The following STK39 variants were observed in gnomAD, a reference collection of about 807,000 sequenced individuals.
The protein encoded by STK39 is serine/threonine kinase 39, also known as STE20/SPS1-related proline-alanine-rich protein kinase.
In STK39, 20 loss-of-function variants were observed where a neutral mutation model predicts 77.8. The observed-to-expected ratio is 0.26, with a 90% CI of 0.18 to 0.37. The LOEUF (loss-of-function observed/expected upper bound fraction) is 0.37. Ranked by LOEUF, STK39 falls within the 10% of genes least tolerant of loss-of-function variation. STK39 has a pLI of 1.00. For missense variants in STK39, 479 were observed against 656.5 expected, an observed-to-expected ratio of 0.73 and a Z score of 2.95; for synonymous variants, 246 against 234.1, an observed-to-expected ratio of 1.05 and a Z score of -0.47.
chr2:168,151,349 C>T (rs1012373068), intron 5 of STK39, among the ~76,000 whole-genome samples: 1 of 152,184 alleles, frequency 6.6e-6, no homozygotes, highest in East Asian at 1.9e-4. Flanking sequence ...CATATGTAGA[C>T]TCTTGACATT....
chr2:168,204,328 G>A (rs930325178), intron 1 of STK39, among the ~76,000 whole-genome samples: 10 of 152,196 alleles, frequency 6.6e-5, no homozygotes, highest in African/African-American at 2.4e-4. Flanking sequence ...GCCCACCAAG[G>A]TTATCCCACC....
intron 1 of STK39, among the ~76,000 whole-genome samples, chr2:168,185,764 C>A (rs756745326): frequency 3.0e-4 from 46 of 152,142 alleles, no homozygotes; most frequent in Non-Finnish European, 5.9e-4. Flanking sequence ...ACAATAACTT[C>A]CTCTTTGCAT....
chr2:168,015,945 T>G (rs1684391968), intron 15 of STK39, among the ~76,000 whole-genome samples: 1 of 152,182 alleles, frequency 6.6e-6, no homozygotes, highest in Non-Finnish European at 1.5e-5. Context: ...ATTTATTTAT[T>G]CAGACAAAGT....
chr2:168,180,786 G>T (rs550376777), intron 2 of STK39, among the ~76,000 whole-genome samples: 1 of 152,302 alleles, frequency 6.6e-6, no homozygotes, highest in African/African-American at 2.4e-5. Context: ...TAAAAGCCTT[G>T]AATGTATGCA....
At chr2:168,117,151 G>C (rs1197726976) in intron 10 of STK39, among the ~76,000 whole-genome samples, 6 of 152,118 alleles carry the variant, frequency 3.9e-5, no homozygotes, top group Admixed American at 1.3e-4. Context: ...CAAGTTAATG[G>C]CTCACTCAAG....
rs771748371 is a variant in STK39 at position 168,129,753 on chromosome 2, G to C, written c.980C>G (p.Thr327Arg). ...CLQKDPSKRP[T>R]AAELLKCKFF... ...TTTGCATTTTAAAAGTTCTGCTGCT[G>C]TGGGCCTGAAAGATCAATAATAAAT... Residue 327 changes from threonine (T) to arginine (R), a missense_variant, in exon 9 of 18, where the codon ACA becomes AGA. Transcript: ENST00000355999. The C allele has an allele frequency of 3.1e-6, 5 of 1,613,734 alleles. No individual in the cohort carries two copies. In the South Asian group the frequency reaches 5.5e-5, roughly 18 times the overall value.
At chr2:168,227,197 T>C (rs1211058550) in intron 1 of STK39, among the ~76,000 whole-genome samples, 2 of 152,226 alleles carry the variant, frequency 1.3e-5, no homozygotes, top group Non-Finnish European at 2.9e-5. Flanking sequence ...TATGTAGATG[T>C]ATACATAGAA....
intron 8 of STK39, among the ~76,000 whole-genome samples, chr2:168,136,770 G>A (rs990841048): frequency 3.3e-5 from 5 of 152,188 alleles, no homozygotes; most frequent in Non-Finnish European, 7.4e-5. Flanking sequence ...TAGAATCTAA[G>A]AGCATTTCAC....
chr2:168,042,675 G>A (rs897236958), intron 14 of STK39, among the ~76,000 whole-genome samples: 5 of 151,618 alleles, frequency 3.3e-5, no homozygotes, highest in Admixed American at 6.6e-5. Flanking sequence ...CTGCCTCTTG[G>A]GTGCAAGCAG....
intron 10 of STK39, among the ~76,000 whole-genome samples, chr2:168,076,530 T>C (rs1415235098): frequency 1.3e-5 from 2 of 152,218 alleles, no homozygotes; most frequent in Non-Finnish European, 2.9e-5. Flanking sequence ...AAAAAATGCA[T>C]GCTAGGGGTT....
intron 3 of STK39, among the ~76,000 whole-genome samples, chr2:168,164,509 C>A (rs970646437): frequency 6.6e-6 from 1 of 152,118 alleles, no homozygotes; most frequent in African/African-American, 2.4e-5. Flanking sequence ...CAGGCTCAAG[C>A]GATCCTCCCA....
intron 7 of STK39, among the ~76,000 whole-genome samples, chr2:168,139,399 A>T (rs922659048): frequency 1.4e-5 from 2 of 140,428 alleles, no homozygotes; most frequent in African/African-American, 5.6e-5. Flanking sequence ...TAACTATGTT[A>T]AAAAAAATTT....
intron 16 of STK39, among the ~76,000 whole-genome samples, chr2:167,986,036 C>T (rs1683549272): frequency 6.6e-6 from 1 of 152,172 alleles, no homozygotes; most frequent in Non-Finnish European, 1.5e-5. Flanking sequence ...TAATATTTCT[C>T]TAGGTTGGAA....
chr2:168,093,711 C>A (rs1686587285), intron 10 of STK39, among the ~76,000 whole-genome samples: 1 of 152,152 alleles, frequency 6.6e-6, no homozygotes, highest in Non-Finnish European at 1.5e-5. Context: ...CCAACCTGAC[C>A]CCTGCTTCCA....
Position 168,247,076 on chromosome 2 carries a change from A to T in STK39, c.208+152T>A, listed in dbSNP as rs1455814350. The T allele has an allele frequency of 3.9e-5, 11 of 282,284 alleles. 1 individual carries two copies. Among genetic ancestry groups the T allele is most frequent in the Middle Eastern group, 1.5e-3 (1 of 664 alleles). The allele number at this position is 282,284 out of a possible 1,614,324, so 17.5% of individuals were successfully genotyped here. A position where few individuals can be genotyped will look rare whatever the true frequency, so the allele number is the denominator to read the frequency against. ...CATTAAAAATTAAAAAAAAAAAAAA[A>T]AAAAAAAAAAAAACTGTTGAAGCCA... On this transcript the variant is annotated intron_variant, in intron 1 of 17. Transcript: ENST00000355999.
chr2:168,231,498 C>T (rs1173145242), intron 1 of STK39, among the ~76,000 whole-genome samples: 1 of 151,782 alleles, frequency 6.6e-6, no homozygotes, highest in East Asian at 1.9e-4. Context: ...CACCACACAC[C>T]GAAGGTTCCT....
At chr2:168,072,444 A>G (rs1685965689) in intron 12 of STK39, among the ~76,000 whole-genome samples, 2 of 151,696 alleles carry the variant, frequency 1.3e-5, no homozygotes, top group Admixed American at 1.3e-4. Flanking sequence ...TTCCCACCAC[A>G]CTCCCTGAAG....
intron 1 of STK39, among the ~76,000 whole-genome samples, chr2:168,197,306 T>G (rs920879620): frequency 6.6e-6 from 1 of 152,212 alleles, no homozygotes; most frequent in South Asian, 2.1e-4. Context: ...TGTAATCGCC[T>G]CTACTATAAT....
intron 8 of STK39, among the ~76,000 whole-genome samples, 195 bp from the exon 9 acceptor site, chr2:168,129,953 T>C (rs572943432): frequency 6.6e-6 from 1 of 152,208 alleles, no homozygotes; most frequent in East Asian, 1.9e-4. Context: ...ATACCTCTAC[T>C]GCAAAACACA....
Sources: gnomAD v4.1 joint callset for allele counts (sites outside exome capture counted in the v4.1 genomes callset) on GRCh38, gnomAD v4.1.1 for gene constraint, MANE v1.5 for transcripts, NCBI Gene and HGNC (gene_info 2026-07-23, HGNC 2026-07-21) for gene names.